The following ARNT2 variants were observed in gnomAD, a reference collection of about 807,000 sequenced individuals.
ARNT2 encodes the protein aryl hydrocarbon receptor nuclear translocator 2, also known as ARNT protein 2.
Under a neutral mutation model 91.7 loss-of-function variants are expected in ARNT2, and 36 were observed. The observed-to-expected ratio is 0.39, with a 90% CI of 0.30 to 0.52. The LOEUF (loss-of-function observed/expected upper bound fraction) is 0.52. ARNT2 is among the 20% of genes least tolerant of loss of function. The pLI is 0.72. For missense variants in ARNT2, 775 were observed against 939.3 expected, an observed-to-expected ratio of 0.83 and a Z score of 2.29; for synonymous variants, 365 against 347.1, an observed-to-expected ratio of 1.05 and a Z score of -0.57.
chr15:80,541,308 A>G (rs1897901511), intron 8 of ARNT2, among the ~76,000 whole-genome samples: 2 of 152,022 alleles, frequency 1.3e-5, no homozygotes, highest in Non-Finnish European at 2.9e-5. Context: ...GTCTGTTCAT[A>G]TATTTTACCC....
At chr15:80,534,202 A>G (rs1444859066) in intron 8 of ARNT2, among the ~76,000 whole-genome samples, 1 of 152,184 alleles carries the variant, frequency 6.6e-6, no homozygotes, top group Non-Finnish European at 1.5e-5. Context: ...TAGAGTCGGA[A>G]TGGTACACCA....
intron 1 of ARNT2, among the ~76,000 whole-genome samples, chr15:80,423,740 T>C (rs1234704494): frequency 6.7e-6 from 1 of 150,304 alleles, no homozygotes; most frequent in Non-Finnish European, 1.5e-5. Flanking sequence ...TTTGATGATA[T>C]TTTGTGTGTG....
chr15:80,452,791 T>G (rs1376412362), intron 2 of ARNT2, among the ~76,000 whole-genome samples: 2 of 152,178 alleles, frequency 1.3e-5, no homozygotes, highest in African/African-American at 2.4e-5. Context: ...AGGAGTTTCC[T>G]CTTCCCCTCC....
At chr15:80,568,271 C>T (rs531900138) in intron 12 of ARNT2, among the ~76,000 whole-genome samples, 1 of 152,298 alleles carries the variant, frequency 6.6e-6, no homozygotes, top group South Asian at 2.1e-4. Context: ...GTCATTTCAG[C>T]GTTTTTACAT....
rs369485619 is a variant in ARNT2, at chr15:80,432,665, GA to G, written c.32-18214del. Among the ~76,000 whole-genome samples, 60 of 152,104 alleles carry G rather than the reference GA, an allele frequency of 3.9e-4. No individual in the cohort carries two copies. The East Asian group carries it at 0.011, about 27-fold the overall frequency. Reference sequence around the variant, plus strand: ...ACCTGTGGCTTAGGTGGTGCAGGTGGAGATGGATCTTCTGCTTGGGCTGAGG... The same window carrying G: ...ACCTGTGGCTTAGGTGGTGCAGGTGGGATGGATCTTCTGCTTGGGCTGAGG... On this transcript the variant is annotated intron_variant, in intron 1 of 18. Transcript: ENST00000303329.
intron 1 of ARNT2, among the ~76,000 whole-genome samples, chr15:80,418,446 C>T (rs1895817005): frequency 6.6e-6 from 1 of 152,224 alleles, no homozygotes; most frequent in African/African-American, 2.4e-5. Context: ...TCTCACCACC[C>T]CTCTCCATTT....
rs118043346 is a variant in ARNT2 at position 80,424,515 on chromosome 15, T to C, written c.31+19969T>C. ...GGTCCCTCCTTCCACGGGCTGCTCT[T>C]CCAGTCAGATGTTGCCTCTCTCTGA... On this transcript the variant is annotated intron_variant, in intron 1 of 18. Coordinates refer to ENST00000303329, the MANE Select transcript of ARNT2 (RefSeq NM_014862.4). Among the ~76,000 whole-genome samples, 766 of 152,306 alleles carry C rather than the reference T, an allele frequency of 5.0e-3. 3 individuals are homozygous for C. The highest frequency in any genetic ancestry group is 0.017 in the Middle Eastern group (5 of 294).
At chr15:80,563,669 GGAA>G in intron 12 of ARNT2, among the ~76,000 whole-genome samples, 1 of 152,132 alleles carries the variant, frequency 6.6e-6, no homozygotes, top group Non-Finnish European at 1.5e-5. Flanking sequence ...GCAGCTCTAG[GGAA>G]TGGGACAGGT....
chr15:80,522,492 G>A (rs528494131), intron 8 of ARNT2, among the ~76,000 whole-genome samples: 1 of 152,114 alleles, frequency 6.6e-6, no homozygotes, highest in Non-Finnish European at 1.5e-5. Flanking sequence ...GAACATCATG[G>A]CGTGCACTTA....
rs144008957 is a variant in ARNT2, at chr15:80,435,438, G to A, written c.32-15442G>A. Among the ~76,000 whole-genome samples the A allele has an allele frequency of 6.8e-4, 103 of 152,284 alleles. No individual in the cohort carries two copies. The East Asian group carries it at 0.011, about 17-fold the overall frequency. ...GCAGCAAGGTCCGTTGCTGCTGAGCGGAGGCTGCATGGGCCTTTGAACTGG... is the reference window on the plus strand; with the variant it reads ...GCAGCAAGGTCCGTTGCTGCTGAGCAGAGGCTGCATGGGCCTTTGAACTGG... On this transcript the variant is annotated intron_variant, in intron 1 of 18. Transcript: ENST00000303329.
At chr15:80,563,842 G>GC (rs1480908736) in intron 12 of ARNT2, among the ~76,000 whole-genome samples, 1 of 152,186 alleles carries the variant, frequency 6.6e-6, no homozygotes, top group Non-Finnish European at 1.5e-5. Context: ...TCCTGGCTGT[G>GC]CGTCCTTGAA....
rs138241250 is a variant in ARNT2, at chr15:80,575,011, G to A, written c.1414G>A (p.Gly472Ser). 6.6e-5 allele frequency: 106 copies of A among 1,614,004 alleles called. No individual in the cohort carries two copies. Among genetic ancestry groups the A allele is most frequent in the Non-Finnish European group, 7.9e-5 (93 of 1,180,010 alleles). The stretch of plus-strand genomic sequence containing the variant: ...GGTCCCCGTCCCCAACCTACCAGCC[G>A]GTGTTCATGAGGCCGGGAAGTCCGT... The part of the protein sequence containing the change: ...SQVPVPNLPA[G>S]VHEAGKSVEK... Residue 472 changes from glycine (G) to serine (S), a missense_variant, in exon 14 of 19, where the codon GGT (glycine) becomes AGT (serine). Physicochemically the swap from Gly to Ser is moderately conservative, Grantham distance 56. This residue lies in a region of ARNT2 where 325 missense variants were observed against 359.9 expected (regional missense o/e 0.90). Coordinates refer to ENST00000303329, the MANE Select transcript of ARNT2 (RefSeq NM_014862.4).
At chr15:80,486,597 G>A (rs144648760) in intron 5 of ARNT2, among the ~76,000 whole-genome samples, 6 of 152,194 alleles carry the variant, frequency 3.9e-5, no homozygotes, top group African/African-American at 7.2e-5. Context: ...CTGACTTGTC[G>A]TGTTGAGTCA....
chr15:80,495,086 C>T (rs1035491490), intron 5 of ARNT2, among the ~76,000 whole-genome samples: 2 of 151,190 alleles, frequency 1.3e-5, no homozygotes, highest in East Asian at 3.9e-4. Context: ...CACCCCCACC[C>T]CTGTAAGCCT....
intron 1 of ARNT2, among the ~76,000 whole-genome samples, chr15:80,422,079 G>A (rs1895868652): frequency 6.6e-6 from 1 of 152,192 alleles, no homozygotes; most frequent in Admixed American, 6.5e-5. Context: ...AGACAGAGAG[G>A]TGAGACCTCC....
chr15:80,498,810 C>A (rs1897153655), intron 5 of ARNT2, among the ~76,000 whole-genome samples: 1 of 152,258 alleles, frequency 6.6e-6, no homozygotes, highest in African/African-American at 2.4e-5. Context: ...ACAGTCCCTG[C>A]AGATGGCTGA....
intron 14 of ARNT2, among the ~76,000 whole-genome samples, chr15:80,576,547 G>A (rs1289088844): frequency 6.6e-6 from 1 of 152,184 alleles, no homozygotes; most frequent in Non-Finnish European, 1.5e-5. Context: ...AAAATGCTGG[G>A]ATTACAGGTG....
At chr15:80,498,878 G>C (rs1220849728) in intron 5 of ARNT2, among the ~76,000 whole-genome samples, 1 of 152,122 alleles carries the variant, frequency 6.6e-6, no homozygotes, top group East Asian at 1.9e-4. Context: ...CTTATTTTCT[G>C]CTTTGGGGAG....
At chr15:80,576,369 T>C (rs1898674727) in intron 14 of ARNT2, among the ~76,000 whole-genome samples, 1 of 152,110 alleles carries the variant, frequency 6.6e-6, no homozygotes. Flanking sequence ...CTCCGCCTCC[T>C]GGGCTCAAGC....
Sources: allele counts gnomAD v4.1 joint callset (sites outside exome capture counted in the v4.1 genomes callset), GRCh38; gene constraint gnomAD v4.1.1; regional missense constraint gnomAD v4.1.1; transcripts MANE v1.5; gene names NCBI Gene and HGNC (gene_info 2026-07-23, HGNC 2026-07-21).